The following TMEM17 variants were observed in gnomAD, a reference collection of about 807,000 sequenced individuals.
TMEM17 encodes transmembrane protein 17.
In TMEM17, 15 loss-of-function variants were observed where a neutral mutation model predicts 19.1. That is an observed-to-expected ratio of 0.78 (90% confidence interval 0.52 to 1.21). The LOEUF (loss-of-function observed/expected upper bound fraction) is 1.21. Ranked by LOEUF, TMEM17 falls within the 50% of genes most tolerant of loss-of-function variation. TMEM17 has a pLI of 0.00. For synonymous variants in TMEM17, 103 were observed against 86.9 expected, an observed-to-expected ratio of 1.19 and a Z score of -1.03; for missense variants, 245 against 242.3, an observed-to-expected ratio of 1.01 and a Z score of -0.07.
chr2:62,490,907 T>C, the TMEM17 span, among the ~76,000 whole-genome samples: 1 of 151,788 alleles, frequency 6.6e-6, no homozygotes, highest in Non-Finnish European at 1.5e-5. Context: ...TGAGACCCTG[T>C]CTCTACTAAA....
the TMEM17 span, among the ~76,000 whole-genome samples, chr2:62,492,111 G>A: frequency 1.9e-4 from 29 of 152,202 alleles, no homozygotes; most frequent in Non-Finnish European, 1.8e-4. Flanking sequence ...TCCTGCTTTG[G>A]CTTCTAGATC....
chr2:62,462,295 G>A, the TMEM17 span, among the ~76,000 whole-genome samples: 4 of 152,202 alleles, frequency 2.6e-5, no homozygotes, highest in African/African-American at 9.6e-5. Context: ...AAAGATGAAT[G>A]AGGAACATGT....
chr2:62,475,540 A>G, the TMEM17 span, among the ~76,000 whole-genome samples: 1 of 152,238 alleles, frequency 6.6e-6, no homozygotes, highest in Non-Finnish European at 1.5e-5. Flanking sequence ...AGAGAAATTA[A>G]CAGTTTTGCC....
At chr2:62,465,118 T>C in the TMEM17 span, among the ~76,000 whole-genome samples, 1 of 152,198 alleles carries the variant, frequency 6.6e-6, no homozygotes, top group African/African-American at 2.4e-5. Context: ...GAAAGGGCTG[T>C]TATGGGTCTT....
chr2:62,491,873 T>C, the TMEM17 span, among the ~76,000 whole-genome samples: 1 of 148,538 alleles, frequency 6.7e-6, no homozygotes, highest in African/African-American at 2.5e-5. Context: ...CAACATGAAA[T>C]GACTGAGGAT....
At chr2:62,476,328 C>T in the TMEM17 span, among the ~76,000 whole-genome samples, 36 of 152,268 alleles carry the variant, frequency 2.4e-4, no homozygotes, top group African/African-American at 8.4e-4. Flanking sequence ...AAAAACCAGA[C>T]AGGGAGGGCA....
the TMEM17 span, among the ~76,000 whole-genome samples, chr2:62,463,508 C>A: frequency 6.6e-6 from 1 of 152,184 alleles, no homozygotes; most frequent in African/African-American, 2.4e-5. Context: ...CAAAGTATCT[C>A]CCTCAGGGTG....
chr2:62,496,453 T>C (rs1216798175), downstream of TMEM17, among the ~76,000 whole-genome samples: 1 of 152,228 alleles, frequency 6.6e-6, no homozygotes, highest in Non-Finnish European at 1.5e-5. Context: ...GCCCATCTAC[T>C]TGATGAAATA....
the TMEM17 span, among the ~76,000 whole-genome samples, chr2:62,488,401 A>G: frequency 3.3e-5 from 5 of 152,022 alleles, no homozygotes. Flanking sequence ...TGATACTGAC[A>G]TTGTTGAATT....
the TMEM17 span, among the ~76,000 whole-genome samples, chr2:62,476,792 A>C: frequency 6.6e-6 from 1 of 152,320 alleles, no homozygotes; most frequent in East Asian, 1.9e-4. Flanking sequence ...TTAAAGACTG[A>C]AATTCCTTTT....
the TMEM17 span, among the ~76,000 whole-genome samples, chr2:62,470,661 G>T: frequency 6.6e-6 from 1 of 152,198 alleles, no homozygotes; most frequent in Non-Finnish European, 1.5e-5. Flanking sequence ...GAAGCAGCCT[G>T]CACAATCCCA....
intron 1 of TMEM17, among the ~76,000 whole-genome samples, chr2:62,505,816 C>T (rs1366217106): frequency 6.6e-6 from 1 of 152,198 alleles, no homozygotes; most frequent in Non-Finnish European, 1.5e-5. Flanking sequence ...CCAGGGAGCA[C>T]CACGCGGAGA....
At chr2:62,504,801 G>C (rs200375436) in intron 1 of TMEM17, among the ~76,000 whole-genome samples, 2 of 151,930 alleles carry the variant, frequency 1.3e-5, no homozygotes, top group African/African-American at 2.4e-5. Flanking sequence ...TTTTCCACAC[G>C]TGAAATCCAT....
the TMEM17 span, among the ~76,000 whole-genome samples, chr2:62,490,975 A>T: frequency 6.9e-6 from 1 of 144,980 alleles, no homozygotes; most frequent in Non-Finnish European, 1.5e-5. Flanking sequence ...GCTACTAGGG[A>T]GGCTGAGGCA....
rs372401879 is a variant in TMEM17 at position 62,506,062 on chromosome 2, T to C, written c.68A>G (p.Asn23Ser). Residue 23 changes from asparagine to serine, a missense_variant, in exon 1 of 4, where the codon AAT (asparagine) becomes AGT (serine). Asn to Ser is a conservative substitution (Grantham distance 46). Coordinates refer to ENST00000335390, the MANE Select transcript of TMEM17 (RefSeq NM_198276.3). ...CTCATTGGACTCTGGACCGGTCCGA[T>C]TGGAATCACTGAACACGGCCCGGCT... Reference protein sequence around the residue: ...NFSRAVFSDSNRTGPESNEGP... With the variant: ...NFSRAVFSDSSRTGPESNEGP... 1.8e-5 allele frequency: 29 copies of C among 1,610,902 alleles called. No homozygotes were observed. Among genetic ancestry groups the C allele is most frequent in the Admixed American group, 3.3e-5 (2 of 59,796 alleles).
At chr2:62,504,917 C>T (rs1404779036) in intron 1 of TMEM17, among the ~76,000 whole-genome samples, 1 of 152,274 alleles carries the variant, frequency 6.6e-6, no homozygotes, top group East Asian at 1.9e-4. Context: ...CCTACAAAGT[C>T]TAAAATATTT....
chr2:62,458,971 A>C, the TMEM17 span, among the ~76,000 whole-genome samples: 1 of 152,238 alleles, frequency 6.6e-6, no homozygotes, highest in African/African-American at 2.4e-5. Context: ...ATCTATTATG[A>C]ATAAAGCTGC....
the TMEM17 span, among the ~76,000 whole-genome samples, chr2:62,458,091 C>T: frequency 6.6e-6 from 1 of 152,178 alleles, no homozygotes; most frequent in African/African-American, 2.4e-5. Context: ...ATGACACTTA[C>T]TGCAGATGGG....
the TMEM17 span, among the ~76,000 whole-genome samples, chr2:62,495,036 T>C: frequency 6.6e-6 from 1 of 152,118 alleles, no homozygotes; most frequent in Non-Finnish European, 1.5e-5. Context: ...AAATAAAAAG[T>C]CTACCTTTTT....
Sources: allele counts gnomAD v4.1 joint callset (sites outside exome capture counted in the v4.1 genomes callset), GRCh38; gene constraint gnomAD v4.1.1; transcripts MANE v1.5; gene names NCBI Gene and HGNC (gene_info 2026-07-23, HGNC 2026-07-21).